The following SORCS3 variants were observed in gnomAD, a reference collection of about 807,000 sequenced individuals.
SORCS3 encodes the protein sortilin related VPS10 domain containing receptor 3.
Under a neutral mutation model 146.3 loss-of-function variants are expected in SORCS3, and 57 were observed. That is an observed-to-expected ratio of 0.39 (90% CI 0.31 to 0.49). The LOEUF (loss-of-function observed/expected upper bound fraction) is 0.49. Ranked by LOEUF, SORCS3 falls within the 20% of genes least tolerant of loss-of-function variation. The pLI is 0.92. For synonymous variants in SORCS3, 653 were observed against 618.5 expected (o/e 1.06, Z -0.83); for missense variants, 1,341 against 1,575.5 (o/e 0.85, Z 2.52).
intron 3 of SORCS3, among the ~76,000 whole-genome samples, chr10:104,923,411 G>A (rs1278514342): frequency 6.6e-6 from 1 of 152,098 alleles, no homozygotes; most frequent in African/African-American, 2.4e-5. Context: ...TGTTACCTGG[G>A]CTATCTTTTC....
At position 104,794,852 on chromosome 10, in the gene SORCS3, A is replaced by G. The variant is rs550910116; in HGVS notation, c.628-47940A>G. Among the ~76,000 whole-genome samples, 13 of 152,178 alleles carry G rather than the reference A, an allele frequency of 8.5e-5. 1 individual carries two copies. Among genetic ancestry groups the G allele is most frequent in the African/African-American group, 2.9e-4 (12 of 41,494 alleles). On this transcript the variant is annotated intron_variant, in intron 1 of 26. Coordinates refer to ENST00000369701, the MANE Select transcript of SORCS3 (RefSeq NM_014978.3). ...TTCCCTCGGGATAGTGTAGCCCAAC[A>G]CTCACTTAAAGCTTGTAGAGGAGGA...
In SORCS3 at chr10:104,992,755, G is replaced by A. The variant is rs185251088; in HGVS notation, c.954+15262G>A. 1.1e-3 allele frequency among the ~76,000 whole-genome samples: 162 copies of A among 152,274 alleles called. 3 individuals carry two copies. Among genetic ancestry groups the A allele is most frequent in the Non-Finnish European group, 1.8e-4 (12 of 68,030 alleles). ...CCCCACTTCATCTAGCTAGTTCTGA[G>A]TCCTGCTCATCTTTCAAAACTCAAA... On this transcript the variant is annotated intron_variant, in intron 4 of 26. Coordinates refer to ENST00000369701, the MANE Select transcript of SORCS3 (RefSeq NM_014978.3).
At chr10:105,108,841 A>C (rs1431533963) in intron 7 of SORCS3, among the ~76,000 whole-genome samples, 1 of 152,222 alleles carries the variant, frequency 6.6e-6, no homozygotes, top group Non-Finnish European at 1.5e-5. Flanking sequence ...AACTACATAC[A>C]GTGTAGGTAC....
intron 2 of SORCS3, among the ~76,000 whole-genome samples, chr10:104,880,959 T>G (rs1362365071): frequency 6.6e-6 from 1 of 152,212 alleles, no homozygotes; most frequent in Non-Finnish European, 1.5e-5. Flanking sequence ...CTGAGATTTT[T>G]CTGCATATCT....
intron 2 of SORCS3, among the ~76,000 whole-genome samples, chr10:104,843,318 C>G (rs1272877291): frequency 6.6e-6 from 1 of 152,138 alleles, no homozygotes; most frequent in Admixed American, 6.5e-5. Context: ...GGAAGAGATA[C>G]AGATACAAGT....
intron 21 of SORCS3, 109 bp from the exon 22 acceptor site, chr10:105,247,104 CTGGTGA>C: frequency 2.1e-6 from 1 of 478,138 alleles, no homozygotes; most frequent in South Asian, 4.8e-5. Context: ...TAGCAGAAGC[CTGGTGA>C]AAGAGTAGAC....
intron 2 of SORCS3, among the ~76,000 whole-genome samples, chr10:104,855,330 G>A (rs2018318037): frequency 6.6e-6 from 1 of 152,152 alleles, no homozygotes; most frequent in African/African-American, 2.4e-5. Flanking sequence ...TATTTTGGAA[G>A]AAGCTTGTCT....
At chr10:104,905,684 A>G (rs1181304765) in intron 2 of SORCS3, among the ~76,000 whole-genome samples, 4 of 152,210 alleles carry the variant, frequency 2.6e-5, no homozygotes, top group Non-Finnish European at 5.9e-5. Context: ...GGCATAAAAC[A>G]ACAGCAGAAA....
intron 3 of SORCS3, among the ~76,000 whole-genome samples, chr10:104,974,330 A>C (rs983303550): frequency 1.3e-5 from 2 of 152,226 alleles, no homozygotes; most frequent in East Asian, 1.9e-4. Context: ...GTGGGAGTCT[A>C]AGTCTCTTTG....
intron 1 of SORCS3, among the ~76,000 whole-genome samples, chr10:104,756,901 C>G (rs1306416590): frequency 6.6e-6 from 1 of 152,136 alleles, no homozygotes. Flanking sequence ...ATATTAAGGA[C>G]TTGATCTTCT....
intron 1 of SORCS3, among the ~76,000 whole-genome samples, chr10:104,688,034 A>C (rs181473226): frequency 3.3e-4 from 51 of 152,366 alleles, no homozygotes; most frequent in African/African-American, 1.2e-3. Flanking sequence ...TTGACCATAA[A>C]TCATAGCATT....
intron 2 of SORCS3, among the ~76,000 whole-genome samples, chr10:104,852,299 A>C (rs1284501485): frequency 6.6e-6 from 1 of 152,168 alleles, no homozygotes; most frequent in Non-Finnish European, 1.5e-5. Flanking sequence ...TCCAGTTCTC[A>C]GCAGCCCCTT....
intron 5 of SORCS3, among the ~76,000 whole-genome samples, chr10:105,083,668 C>A (rs1160201705): frequency 6.6e-6 from 1 of 152,166 alleles, no homozygotes; most frequent in Non-Finnish European, 1.5e-5. Context: ...AATCTTCAGT[C>A]ACTACTCCTC....
chr10:105,069,227 A>G (rs973198385), intron 5 of SORCS3, among the ~76,000 whole-genome samples: 1 of 152,238 alleles, frequency 6.6e-6, no homozygotes, highest in Non-Finnish European at 1.5e-5. Context: ...TCTTTTGGCA[A>G]GCCTTCCTTT....
At chr10:104,880,574 T>C (rs950778916) in intron 2 of SORCS3, among the ~76,000 whole-genome samples, 2 of 152,164 alleles carry the variant, frequency 1.3e-5, no homozygotes, top group Non-Finnish European at 2.9e-5. Flanking sequence ...GAGAAGCATT[T>C]TGGGGGCAGG....
At chr10:105,072,571 T>C (rs1353606700) in intron 5 of SORCS3, among the ~76,000 whole-genome samples, 1 of 152,018 alleles carries the variant, frequency 6.6e-6, no homozygotes, top group Admixed American at 6.5e-5. Context: ...CATTTTGCCC[T>C]GTTTTCCAGG....
At chr10:104,649,976 C>T (rs981370854) in intron 1 of SORCS3, among the ~76,000 whole-genome samples, 1 of 152,134 alleles carries the variant, frequency 6.6e-6, no homozygotes, top group Non-Finnish European at 1.5e-5. Flanking sequence ...GTTGCTGGGG[C>T]TGGTTGACAA....
At chr10:105,262,534 C>G (rs568862256) in intron 26 of SORCS3, 43 bp downstream of exon 26, 5 of 1,578,786 alleles carry the variant, frequency 3.2e-6, no homozygotes, top group African/African-American at 2.7e-5. Context: ...TCTGTGTCCT[C>G]TAAACACTGG....
intron 3 of SORCS3, among the ~76,000 whole-genome samples, chr10:104,952,721 C>T (rs890383085): frequency 2.6e-5 from 4 of 152,162 alleles, no homozygotes; most frequent in African/African-American, 9.7e-5. Context: ...CATGCACACA[C>T]AGACAACAAA....
Sources: allele counts gnomAD v4.1 joint callset (sites outside exome capture counted in the v4.1 genomes callset), GRCh38; gene constraint gnomAD v4.1.1; transcripts MANE v1.5; gene names NCBI Gene and HGNC (gene_info 2026-07-23, HGNC 2026-07-21).